The following PNPLA1 variants were observed in gnomAD, a reference collection of about 807,000 sequenced individuals.
PNPLA1 encodes the protein omega-hydroxyceramide transacylase.
A neutral mutation model predicts 51.7 loss-of-function variants in PNPLA1; 36 were observed. The observed-to-expected ratio is 0.70, with a 90% CI of 0.53 to 0.92. PNPLA1 has a LOEUF of 0.92. Among genes scored for constraint, PNPLA1 ranks in the 40% least tolerant of loss-of-function variants. The pLI, the probability that PNPLA1 is intolerant of heterozygous loss-of-function variation, is 0.00. For synonymous variants in PNPLA1, 293 were observed against 280.1 expected (o/e 1.05, Z -0.46); for missense variants, 658 against 682.5 (o/e 0.96, Z 0.40).
At chr6:36,247,541 A>G (rs1161517501) in intron 1 of PNPLA1, among the ~76,000 whole-genome samples, 1 of 152,252 alleles carries the variant, frequency 6.6e-6, no homozygotes, top group African/African-American at 2.4e-5. Context: ...GTAAGTGCAT[A>G]TTCATTAAAG....
At chr6:36,284,438 T>C (rs1201479886) in intron 1 of PNPLA1, among the ~76,000 whole-genome samples, 1 of 151,970 alleles carries the variant, frequency 6.6e-6, no homozygotes, top group Non-Finnish European at 1.5e-5. Flanking sequence ...AAAATGTGAG[T>C]TTTCACATAC....
In PNPLA1 at chr6:36,307,694, A is replaced by G. The variant is rs200148971; in HGVS notation, c.1577A>G (p.Lys526Arg). 233 of 1,613,910 alleles carry G rather than the reference A, an allele frequency of 1.4e-4. No homozygotes were observed. The highest frequency in any genetic ancestry group is 1.9e-4 in the Non-Finnish European group (219 of 1,179,950). Residue 526 changes from lysine (K) to arginine (R), a missense_variant, in exon 8 of 9, where the codon AAA becomes AGA. Transcript: ENST00000636260. ...KGFPRHSGSK[K>R]PSSKVQSAPC... Reference sequence around the variant, plus strand: ...TTCCCAAGACATTCGGGATCCAAAAAACCAAGCAGCAAAGTGCAGTGAGCA... The same window carrying G: ...TTCCCAAGACATTCGGGATCCAAAAGACCAAGCAGCAAAGTGCAGTGAGCA...
At chr6:36,282,140 A>T (rs553093500) in intron 1 of PNPLA1, among the ~76,000 whole-genome samples, 2 of 127,526 alleles carry the variant, frequency 1.6e-5, no homozygotes, top group Non-Finnish European at 3.4e-5. Context: ...AAGGAAGGAA[A>T]GAGAGACAGA....
intron 1 of PNPLA1, among the ~76,000 whole-genome samples, chr6:36,271,767 A>T (rs1164861930): frequency 6.6e-6 from 1 of 152,204 alleles, no homozygotes; most frequent in Non-Finnish European, 1.5e-5. Flanking sequence ...GGGCCAGGTC[A>T]TGTGGCCTTA....
rs1278906385 is a variant in PNPLA1, at chr6:36,294,207, C to T, written c.522C>T (p.Gly174=). The T allele has an allele frequency of 3.1e-6, 5 of 1,614,174 alleles. No homozygotes were observed. The highest frequency in any genetic ancestry group is 4.5e-5 in the East Asian group (2 of 44,892). ...TYRGVRYIDG[G]FTGMQPCAFW... is the part of the protein sequence containing the mutation. ...CCCCACAGAGGTACATCGATGGGGG[C>T]TTCACGGGCATGCAGCCCTGTGCCT... Residue 174 remains glycine, a synonymous_variant, in exon 4 of 9, where the codon GGC becomes GGT. Coordinates refer to ENST00000636260, the MANE Select transcript of PNPLA1 (RefSeq NM_001374623.1). This position sits in a 1 kb window ranked among gnomAD's most constrained non-coding sequence, Gnocchi z 4.2.
intron 1 of PNPLA1, among the ~76,000 whole-genome samples, chr6:36,275,976 T>TTTCTTTCTTTCTTTCTTTTCTTTCTTTC (rs1770083721): frequency 1.5e-5 from 2 of 136,796 alleles, no homozygotes; most frequent in African/African-American, 5.7e-5. Flanking sequence ...TTCTTTCTTT[T>TTTCTTTCTTTCTTTCTTTTCTTTCTTTC]GAGACAGAGT....
chr6:36,254,098 A>G (rs1360258594), intron 1 of PNPLA1, among the ~76,000 whole-genome samples: 1 of 152,236 alleles, frequency 6.6e-6, no homozygotes, highest in Non-Finnish European at 1.5e-5. Flanking sequence ...CCTTTATTAA[A>G]CAGCTAAACA....
chr6:36,275,482 G>A (rs982810059), intron 1 of PNPLA1, among the ~76,000 whole-genome samples: 1 of 152,078 alleles, frequency 6.6e-6, no homozygotes, highest in Non-Finnish European at 1.5e-5. Context: ...TAATTCCTCA[G>A]GAATTTATTT....
At chr6:36,309,517 C>T (rs1399605348) in intron 8 of PNPLA1, among the ~76,000 whole-genome samples, 1 of 152,148 alleles carries the variant, frequency 6.6e-6, no homozygotes, top group Non-Finnish European at 1.5e-5. Flanking sequence ...GATTCCAGGG[C>T]CAGCTCTCTT....
rs1770805973 is a variant in PNPLA1, at chr6:36,294,727, C to A, written c.714+328C>A. On this transcript the variant is annotated intron_variant, in intron 4 of 8. Coordinates refer to ENST00000636260, the MANE Select transcript of PNPLA1 (RefSeq NM_001374623.1). This position sits in a 1 kb window ranked among gnomAD's most constrained non-coding sequence, Gnocchi z 4.2. Reference sequence around the variant, plus strand: ...GCAAGCTGCAGCCCACGGGCCAAATCTAGCCTATGGCTTGTTTTTGTACAG... The same window carrying A: ...GCAAGCTGCAGCCCACGGGCCAAATATAGCCTATGGCTTGTTTTTGTACAG... Among the ~76,000 whole-genome samples the A allele has an allele frequency of 6.6e-6, 1 of 152,178 alleles. No individual in the cohort carries two copies. The highest frequency in any genetic ancestry group is 2.4e-5 in the African/African-American group (1 of 41,436).
chr6:36,312,758 A>G lies in PNPLA1; in HGVS notation c.*872A>G, dbSNP rs947502616. Among the ~76,000 whole-genome samples the G allele has an allele frequency of 1.3e-5, 2 of 152,180 alleles. No homozygotes were observed. Among genetic ancestry groups the G allele is most frequent in the African/African-American group, 4.8e-5 (2 of 41,438 alleles). ...AGGGTGAGCATCTCAGCTTCCTGCG[A>G]TCCTTTCAACCCTTCCACTACCCTA... On this transcript the variant is annotated 3_prime_UTR_variant, in exon 9 of 9. Transcript: ENST00000636260.
intron 1 of PNPLA1, among the ~76,000 whole-genome samples, chr6:36,275,239 CG>C (rs1479222523): frequency 3.3e-5 from 5 of 152,000 alleles, no homozygotes; most frequent in Non-Finnish European, 7.4e-5. Flanking sequence ...CCACCACGCC[CG>C]GCTAATTTTA....
intron 8 of PNPLA1, among the ~76,000 whole-genome samples, chr6:36,311,239 T>C (rs1470293775): frequency 5.3e-5 from 8 of 152,200 alleles, no homozygotes; most frequent in African/African-American, 1.9e-4. Flanking sequence ...GCTAATTCAC[T>C]CTGTTAGCTT....
intron 1 of PNPLA1, among the ~76,000 whole-genome samples, chr6:36,270,971 A>G (rs549046525): frequency 6.6e-6 from 1 of 152,160 alleles, no homozygotes; most frequent in African/African-American, 2.4e-5. Context: ...TCCCTCGAAC[A>G]TCGAACATGG....
Position 36,291,531 on chromosome 6 carries a change from G to C in PNPLA1, c.417G>C (p.Thr139=), listed in dbSNP as rs150478214. 1.5e-6 allele frequency: 2 copies of C among 1,347,460 alleles called. No individual in the cohort carries two copies. The highest frequency in any genetic ancestry group is 9.8e-7 in the Non-Finnish European group (1 of 1,017,430). 83.5% of individuals were successfully genotyped at this position (1,347,460 alleles called of 1,614,324 possible). ...AGAATGTGGTGGTTTCAGAGTTCAC[G>C]TCCAAGGAGGAGCTCATTGAGGCAA... ...DGENVVVSEF[T]SKEELIEALY... The change falls in exon 2 of 9, where the codon ACG becomes ACC. Residue 139 remains threonine (T), a synonymous_variant. Coordinates refer to ENST00000636260, the MANE Select transcript of PNPLA1 (RefSeq NM_001374623.1).
At chr6:36,254,442 G>A (rs147307426) in intron 1 of PNPLA1, among the ~76,000 whole-genome samples, 1 of 152,236 alleles carries the variant, frequency 6.6e-6, no homozygotes, top group African/African-American at 2.4e-5. Flanking sequence ...CAGGCGTGGT[G>A]GGGTGCACCT....
intron 1 of PNPLA1, among the ~76,000 whole-genome samples, chr6:36,272,207 C>G (rs1769937598): frequency 6.6e-6 from 1 of 152,306 alleles, no homozygotes; most frequent in South Asian, 2.1e-4. Context: ...TGCAAGTAGG[C>G]AGTCCCATCT....
chr6:36,295,079 C>T (rs1304687562), intron 4 of PNPLA1, among the ~76,000 whole-genome samples: 1 of 152,210 alleles, frequency 6.6e-6, no homozygotes, highest in African/African-American at 2.4e-5. Flanking sequence ...GGCCCCAGTG[C>T]ACCTGGTTCT....
At chr6:36,310,672 G>A (rs1010182733) in intron 8 of PNPLA1, among the ~76,000 whole-genome samples, 1 of 152,228 alleles carries the variant, frequency 6.6e-6, no homozygotes, top group African/African-American at 2.4e-5. Flanking sequence ...GGCAGAGCCA[G>A]GATCCCAATT....
Sources: gnomAD v4.1 joint callset for allele counts (sites outside exome capture counted in the v4.1 genomes callset) on GRCh38, gnomAD v4.1.1 for gene constraint, Gnocchi (gnomAD v3.1) non-coding constraint, MANE v1.5 for transcripts, NCBI Gene and HGNC (gene_info 2026-07-23, HGNC 2026-07-21) for gene names.